Variants in PUDP observed in about 807,000 individuals in gnomAD.
PUDP encodes pseudouridine 5'-phosphatase.
Under a neutral mutation model 9.4 loss-of-function variants are expected in PUDP, and 8 were observed. The ratio of observed to expected loss-of-function variants is 0.85; its 90% CI spans 0.50 to 1.53. The LOEUF (loss-of-function observed/expected upper bound fraction) is 1.53, where lower values mean the gene tolerates loss of function less well. Among genes scored for constraint, PUDP ranks in the 40% most tolerant of loss-of-function variants. PUDP has a pLI of 0.00. For missense variants in PUDP, 188 were observed against 189.7 expected, an observed-to-expected ratio of 0.99 and a Z score of 0.05; for synonymous variants, 99 against 80.7, an observed-to-expected ratio of 1.23 and a Z score of -1.22.
At chrX:6,763,320 C>T (rs751815252) in intron 3 of PUDP, among the ~76,000 whole-genome samples, 6 of 111,458 alleles carry the variant, frequency 5.4e-5, no homozygotes, top group East Asian at 5.6e-4. Flanking sequence ...ACCCGGGAGG[C>T]GGAGGTTGCA....
Position 7,029,020 on chromosome X carries a change from G to A in PUDP, c.204+48200C>T, listed in dbSNP as rs1241639684. Reference sequence around the variant, plus strand: ...GATTAGGGCCCACTCTAGTGACCTTGTTTTACCTTAATCCAATCTTGTCCA... The same window carrying A: ...GATTAGGGCCCACTCTAGTGACCTTATTTTACCTTAATCCAATCTTGTCCA... On this transcript the variant is annotated intron_variant and NMD_transcript_variant, in intron 1 of 3. Transcript: ENST00000655425. Among the ~76,000 whole-genome samples the A allele has an allele frequency of 2.7e-5, 3 of 111,865 alleles. No individual in the cohort carries two copies. The Admixed American group carries it at 2.8e-4, about 11-fold the overall frequency.
intron 3 of PUDP, among the ~76,000 whole-genome samples, chrX:6,780,295 T>C (rs1474023993): frequency 9.1e-6 from 1 of 110,223 alleles, no homozygotes; most frequent in South Asian, 3.8e-4. Context: ...ATATATATAA[T>C]TCTTCTGAAT....
At chrX:6,880,752 C>A (rs983456464) in intron 3 of PUDP, among the ~76,000 whole-genome samples, 1 of 111,863 alleles carries the variant, frequency 8.9e-6, no homozygotes, top group South Asian at 3.8e-4. Flanking sequence ...GAAAATAACA[C>A]AGGACTGTGT....
intron 3 of PUDP, among the ~76,000 whole-genome samples, chrX:6,969,263 C>G (rs1048995249): frequency 8.9e-6 from 1 of 111,990 alleles, no homozygotes; most frequent in Non-Finnish European, 1.9e-5. Flanking sequence ...AGTCATGGGC[C>G]GGCATTTCAT....
intron 1 of PUDP, among the ~76,000 whole-genome samples, chrX:7,136,840 G>A (rs1932753120): frequency 9.1e-6 from 1 of 109,623 alleles, no homozygotes; most frequent in African/African-American, 3.4e-5. Context: ...GTTTCCAAAT[G>A]AAGGATTTAA....
At chrX:6,995,870 T>G (rs1483469378) in intron 1 of PUDP, among the ~76,000 whole-genome samples, 1 of 107,955 alleles carries the variant, frequency 9.3e-6, no homozygotes, top group East Asian at 2.9e-4. Flanking sequence ...GGTCCTTCTC[T>G]GAAGATTATT....
At chrX:6,770,214 C>A (rs1361981813) in intron 3 of PUDP, among the ~76,000 whole-genome samples, 1 of 112,809 alleles carries the variant, frequency 8.9e-6, no homozygotes, top group Non-Finnish European at 1.9e-5. Flanking sequence ...GGGGTGGATG[C>A]ACTGCATTGT....
chrX:6,910,360 C>T (rs1927831528), intron 3 of PUDP, among the ~76,000 whole-genome samples: 1 of 111,917 alleles, frequency 8.9e-6, no homozygotes, highest in Non-Finnish European at 1.9e-5. Flanking sequence ...CTCCTTCATG[C>T]AGTAGTGAGT....
chrX:6,990,216 C>G (rs1252383342), intron 1 of PUDP, among the ~76,000 whole-genome samples: 1 of 111,588 alleles, frequency 9.0e-6, no homozygotes, highest in Non-Finnish European at 1.9e-5. Flanking sequence ...GAGCCCCTTC[C>G]AGGGGTTGCC....
At chrX:6,706,817 A>T (rs1435394054) in intron 1 of PUDP, among the ~76,000 whole-genome samples, 1 of 111,513 alleles carries the variant, frequency 9.0e-6, no homozygotes, top group Non-Finnish European at 1.9e-5. Context: ...TAATAAACAC[A>T]CCTTACCAAA....
At chrX:7,081,726 C>T (rs755723941) in intron 2 of PUDP, among the ~76,000 whole-genome samples, 4 of 113,151 alleles carry the variant, frequency 3.5e-5, no homozygotes, top group South Asian at 3.5e-4. Context: ...GTCAATTATA[C>T]GCCCTCTTTG....
intron 3 of PUDP, among the ~76,000 whole-genome samples, chrX:6,795,140 G>A (rs1187039967): frequency 9.0e-6 from 1 of 110,745 alleles, no homozygotes; most frequent in Non-Finnish European, 1.9e-5. Flanking sequence ...CTAGGCGACA[G>A]GAATTTTTCG....
chrX:6,936,066 C>A (rs1928293743), intron 3 of PUDP, among the ~76,000 whole-genome samples: 1 of 110,807 alleles, frequency 9.0e-6, no homozygotes, highest in South Asian at 3.9e-4. Flanking sequence ...CAAGGAGGAA[C>A]TGATACCATT....
chrX:7,030,970 C>T (rs1602721674), intron 1 of PUDP, among the ~76,000 whole-genome samples: 1 of 111,372 alleles, frequency 9.0e-6, no homozygotes, highest in African/African-American at 3.3e-5. Flanking sequence ...TATTTCTTGA[C>T]GATATGCTAA....
rs368961822 is a variant in PUDP, at chrX:7,114,596, C to T, written c.62-8758G>A. On this transcript the variant is annotated intron_variant, in intron 1 of 3. Transcript: ENST00000381077. ...AGAGAGAACAAACGTTCAAACCACACAGCAGGCCCTACCCCAGATCTACAG... is the reference window on the plus strand; with the variant it reads ...AGAGAGAACAAACGTTCAAACCACATAGCAGGCCCTACCCCAGATCTACAG... Among the ~76,000 whole-genome samples, 12 of 111,574 alleles carry T rather than the reference C, an allele frequency of 1.1e-4. No homozygotes were observed. In the East Asian group the frequency reaches 2.5e-3, roughly 24 times the overall value.
intron 3 of PUDP, among the ~76,000 whole-genome samples, chrX:6,946,642 T>C (rs1193177820): frequency 8.9e-6 from 1 of 112,234 alleles, no homozygotes; most frequent in Non-Finnish European, 1.9e-5. Flanking sequence ...AATGGAGTAA[T>C]GTGTACCCAA....
Position 7,005,399 on chromosome X carries a change from ATAT to A in PUDP, c.205-27059_205-27057del, listed in dbSNP as rs764811708. Among the ~76,000 whole-genome samples, 944 of 108,541 alleles carry A rather than the reference ATAT, an allele frequency of 8.7e-3. 7 individuals are homozygous for A. Among genetic ancestry groups the A allele is most frequent in the Non-Finnish European group, 9.8e-3 (513 of 52,334 alleles). 94.3% of individuals were successfully genotyped at this position (108,541 alleles called of 115,157 possible). ...TATAAAATACACATCAAAATTTGCC[ATAT>A]TATTATTATTATTATTATTATTTTG... On this transcript the variant is annotated intron_variant and NMD_transcript_variant, in intron 1 of 3. Transcript: ENST00000655425.
intron 2 of PUDP, among the ~76,000 whole-genome samples, chrX:7,103,454 G>C (rs1931795310): frequency 8.9e-6 from 1 of 112,061 alleles, no homozygotes. Context: ...TAAAACTCCA[G>C]GAAGAAAACA....
chrX:6,812,368 C>T (rs1035839110), intron 3 of PUDP, among the ~76,000 whole-genome samples: 2 of 111,797 alleles, frequency 1.8e-5, no homozygotes, highest in Admixed American at 1.9e-4. Context: ...CTTGAAAGTT[C>T]CAGTAATTTT....
Sources: gnomAD v4.1 joint callset for allele counts (sites outside exome capture counted in the v4.1 genomes callset) on GRCh38, gnomAD v4.1.1 for gene constraint, MANE v1.5 for transcripts, NCBI Gene and HGNC (gene_info 2026-07-23, HGNC 2026-07-21) for gene names.